TMEM131L: variants seen among roughly 807,000 people sequenced by gnomAD.
The protein encoded by TMEM131L is transmembrane 131 like, also known as transmembrane protein 131-like.
A neutral mutation model predicts 192.2 loss-of-function variants in TMEM131L; 54 were observed. The observed-to-expected ratio is 0.28, with a 90% CI of 0.23 to 0.35. The LOEUF (loss-of-function observed/expected upper bound fraction) is 0.35, where lower values mean the gene tolerates loss of function less well. TMEM131L is among the 10% of genes least tolerant of loss of function. TMEM131L has a pLI of 1.00. For missense variants in TMEM131L, 1,888 were observed against 1,972.9 expected, an observed-to-expected ratio of 0.96 and a Z score of 0.82; for synonymous variants, 701 against 704.9, an observed-to-expected ratio of 0.99 and a Z score of 0.09.
chr4:153,549,600 A>G (rs1315819941), intron 3 of TMEM131L, among the ~76,000 whole-genome samples: 14 of 152,286 alleles, frequency 9.2e-5, no homozygotes, highest in Admixed American at 7.8e-4. Context: ...GCCATGTGAG[A>G]TTGTGTATGA....
intron 14 of TMEM131L, among the ~76,000 whole-genome samples, chr4:153,587,458 C>A (rs1346316838): frequency 3.3e-5 from 5 of 151,812 alleles, no homozygotes; most frequent in Non-Finnish European, 7.4e-5. Flanking sequence ...GCCATGTGAT[C>A]ATAATCTTTA....
At position 153,602,715 on chromosome 4, in the gene TMEM131L, T is replaced by C. The variant is rs1432862302; in HGVS notation, c.2627T>C (p.Val876Ala). ...GAGGAGTCATTTTGGAGGCTCACGG[T>C]CTTCTTTGTCAGGTAAACCACTACT... ...SWEESFWRLT[V>A]FFVSLSLLGV... Residue 876 changes from valine (V) to alanine (A), a missense_variant, in exon 23 of 35, where the codon GTC (valine) becomes GCC (alanine). Val to Ala is a moderately conservative substitution (Grantham distance 64, BLOSUM62 0). Coordinates refer to ENST00000409959, the MANE Select transcript of TMEM131L (RefSeq NM_001131007.2). 1 of 1,613,860 alleles carries C rather than the reference T, an allele frequency of 6.2e-7. No homozygotes were observed. The highest frequency in any genetic ancestry group is 8.5e-7 in the Non-Finnish European group (1 of 1,179,914).
At chr4:153,610,894 C>T (rs1732565881) in intron 25 of TMEM131L, among the ~76,000 whole-genome samples, 1 of 152,086 alleles carries the variant, frequency 6.6e-6, no homozygotes, top group South Asian at 2.1e-4. Context: ...GTCATCTAGA[C>T]GTCTCAAATT....
At chr4:153,552,467 T>C (rs889238960) in intron 4 of TMEM131L, among the ~76,000 whole-genome samples, 1 of 152,170 alleles carries the variant, frequency 6.6e-6, no homozygotes, top group African/African-American at 2.4e-5. Flanking sequence ...AGGACCCCCA[T>C]GGATACCAAA....
chr4:153,505,137 C>T (rs1429351154), intron 3 of TMEM131L, among the ~76,000 whole-genome samples: 4 of 147,004 alleles, frequency 2.7e-5, no homozygotes, highest in South Asian at 2.1e-4. Flanking sequence ...GATGGAGTCT[C>T]GCTCTGTTGC....
chr4:153,587,727 T>A lies in TMEM131L; in HGVS notation c.1483-15T>A. The A allele has an allele frequency of 6.4e-7, 1 of 1,572,578 alleles. No individual in the cohort carries two copies. Among genetic ancestry groups the A allele is most frequent in the Non-Finnish European group, 8.8e-7 (1 of 1,142,090 alleles). ...GCTGTGTTTTAAGTTATTCATATAT[T>A]ACTTTTCAATCTAGGAAGGGAGTCT... On this transcript the variant is annotated splice_polypyrimidine_tract_variant and intron_variant, in intron 14 of 34. Coordinates refer to ENST00000409959, the MANE Select transcript of TMEM131L (RefSeq NM_001131007.2).
chr4:153,599,144 C>A (rs1368858386), intron 21 of TMEM131L, among the ~76,000 whole-genome samples: 2 of 152,156 alleles, frequency 1.3e-5, no homozygotes, highest in Non-Finnish European at 2.9e-5. Context: ...AGGAAACTTA[C>A]AATTATGACA....
At chr4:153,518,380 G>A (rs946126022) in intron 3 of TMEM131L, among the ~76,000 whole-genome samples, 5 of 152,174 alleles carry the variant, frequency 3.3e-5, no homozygotes, top group Admixed American at 2.0e-4. Context: ...CACGAGAGCA[G>A]GTCCAGAGAG....
chr4:153,552,976 A>G (rs1737744499), intron 4 of TMEM131L, among the ~76,000 whole-genome samples: 1 of 151,060 alleles, frequency 6.6e-6, no homozygotes, highest in African/African-American at 2.4e-5. Flanking sequence ...ACTTTCAATC[A>G]AGGTTGGTTG....
intron 13 of TMEM131L, 71 bp from the exon 14 acceptor site, chr4:153,586,138 C>A: frequency 8.9e-7 from 1 of 1,126,912 alleles, no homozygotes; most frequent in Non-Finnish European, 1.2e-6. Context: ...ATGTTAGCAT[C>A]ATACTTTATA....
At chr4:153,515,961 T>C (rs954631962) in intron 3 of TMEM131L, among the ~76,000 whole-genome samples, 2 of 151,872 alleles carry the variant, frequency 1.3e-5, no homozygotes, top group Non-Finnish European at 2.9e-5. Flanking sequence ...CCCAGGCTGA[T>C]CTCAAGTGAT....
At chr4:153,505,449 G>A (rs1182315324) in intron 3 of TMEM131L, among the ~76,000 whole-genome samples, 1 of 152,050 alleles carries the variant, frequency 6.6e-6, no homozygotes, top group Non-Finnish European at 1.5e-5. Flanking sequence ...ATACTGGATT[G>A]GAGTCCACTT....
At position 153,566,637 on chromosome 4, in the gene TMEM131L, A is replaced by G. The variant is rs76067635; in HGVS notation, c.660+8269A>G. Among the ~76,000 whole-genome samples, 701 of 152,278 alleles carry G rather than the reference A, an allele frequency of 4.6e-3. 5 individuals carry two copies. Among genetic ancestry groups the G allele is most frequent in the African/African-American group, 0.016 (655 of 41,556 alleles). The stretch of plus-strand genomic sequence containing the variant: ...GATTATCAGAAGGTATAATGTGATT[A>G]TAAGAAAACATGGGAAACCCAGAGA... On this transcript the variant is annotated intron_variant, in intron 7 of 34. Transcript: ENST00000409959.
intron 25 of TMEM131L, among the ~76,000 whole-genome samples, chr4:153,606,437 C>A (rs1006129305): frequency 6.6e-6 from 1 of 152,166 alleles, no homozygotes; most frequent in Non-Finnish European, 1.5e-5. Context: ...TATCTTAATA[C>A]TTTAAAGCAG....
intron 34 of TMEM131L, 108 bp downstream of exon 34, chr4:153,635,679 C>A: frequency 2.4e-6 from 3 of 1,268,422 alleles, no homozygotes; most frequent in South Asian, 1.5e-5. Context: ...TTGGACCAGC[C>A]AAAGCCTGGC....
At chr4:153,520,392 A>G (rs1427450036) in intron 3 of TMEM131L, among the ~76,000 whole-genome samples, 1 of 152,158 alleles carries the variant, frequency 6.6e-6, no homozygotes, top group African/African-American at 2.4e-5. Context: ...ATAGCTGATC[A>G]CTGGAGGTCA....
chr4:153,595,960 A>G (rs1451674182), intron 19 of TMEM131L, among the ~76,000 whole-genome samples: 1 of 152,180 alleles, frequency 6.6e-6, no homozygotes, highest in Non-Finnish European at 1.5e-5. Flanking sequence ...TTGTACATTC[A>G]AAGCATCTTT....
intron 3 of TMEM131L, among the ~76,000 whole-genome samples, chr4:153,536,952 A>G (rs1400903445): frequency 6.6e-6 from 1 of 152,180 alleles, no homozygotes; most frequent in East Asian, 1.9e-4. Flanking sequence ...AAGCCAGTCT[A>G]GCCTTTTCAT....
At chr4:153,567,614 G>A (rs533682534) in intron 7 of TMEM131L, among the ~76,000 whole-genome samples, 2 of 150,634 alleles carry the variant, frequency 1.3e-5, no homozygotes, top group Non-Finnish European at 2.9e-5. Flanking sequence ...GCACGATCTC[G>A]GCTCACTGCA....
Sources: allele counts gnomAD v4.1 joint callset (sites outside exome capture counted in the v4.1 genomes callset), GRCh38; gene constraint gnomAD v4.1.1; transcripts MANE v1.5; gene names NCBI Gene and HGNC (gene_info 2026-07-23, HGNC 2026-07-21).